TSHR: variants seen among roughly 807,000 people sequenced by gnomAD.
The protein encoded by TSHR is thyrotropin receptor.
In TSHR, 51 loss-of-function variants were observed where a neutral mutation model predicts 64.1. The ratio of observed to expected loss-of-function variants is 0.80; its 90% CI spans 0.64 to 1.01. The LOEUF is 1.01. TSHR is among the 50% of genes least tolerant of loss of function. The pLI is 0.00. For synonymous variants in TSHR, 361 were observed against 361.9 expected (o/e 1.00, Z 0.03); for missense variants, 877 against 942.8 (o/e 0.93, Z 0.91).
intron 8 of TSHR, among the ~76,000 whole-genome samples, chr14:81,127,913 G>A (rs1462334965): frequency 6.6e-6 from 1 of 152,134 alleles, no homozygotes; most frequent in Non-Finnish European, 1.5e-5. Flanking sequence ...TTTATCAGCA[G>A]TGTGAAAATG....
chr14:80,984,489 T>C (rs1257525110), intron 1 of TSHR, among the ~76,000 whole-genome samples: 1 of 152,140 alleles, frequency 6.6e-6, no homozygotes, highest in East Asian at 1.9e-4. Context: ...TACCCTCCAA[T>C]GAGAATTAGA....
intron 8 of TSHR, among the ~76,000 whole-genome samples, chr14:81,116,184 T>G (rs532834944): frequency 2.6e-4 from 39 of 150,144 alleles, no homozygotes; most frequent in South Asian, 6.6e-4. Flanking sequence ...ATAACAATAT[T>G]AACTTTAAAT....
intron 1 of TSHR, among the ~76,000 whole-genome samples, chr14:81,021,969 A>G (rs1236732644): frequency 6.6e-6 from 1 of 152,196 alleles, no homozygotes; most frequent in Non-Finnish European, 1.5e-5. Flanking sequence ...GGCTTTTAAA[A>G]TTACAGTAAT....
intron 3 of TSHR, chr14:81,087,630 T>C (rs1444850568): frequency 2.8e-6 from 1 of 353,950 alleles, no homozygotes; most frequent in East Asian, 6.7e-5. Context: ...CACCAAATCA[T>C]TGGAGGGATT....
chr14:80,959,682 G>A (rs1886914663), intron 1 of TSHR, among the ~76,000 whole-genome samples: 1 of 152,310 alleles, frequency 6.6e-6, no homozygotes, highest in East Asian at 1.9e-4. Context: ...GAAGTAAGTG[G>A]TTTGGACACC....
intron 1 of TSHR, among the ~76,000 whole-genome samples, chr14:80,978,129 ACATGCATG>A (rs1566745478): frequency 6.4e-5 from 9 of 141,314 alleles, no homozygotes; most frequent in African/African-American, 2.2e-4. Context: ...ACACACACAC[ACATGCATG>A]TGCACTTTTC....
At chr14:81,091,381 G>T (rs1888723853) in intron 5 of TSHR, among the ~76,000 whole-genome samples, 1 of 152,234 alleles carries the variant, frequency 6.6e-6, no homozygotes, top group Admixed American at 6.5e-5. Context: ...GCTGGTTGGA[G>T]TGGGCTCAAG....
At position 81,091,078 on chromosome 14, in the gene TSHR, C is replaced by T; in HGVS notation, c.402C>T (p.Phe134=). ...ELPLLKFLGI[F]NTGLKMFPDL... is the part of the protein sequence containing the mutation. ...TTTTTCATTAATTTAGTGGCATTTT[C>T]AACACTGGACTTAAAATGTTCCCTG... is the stretch of plus-strand genomic sequence containing the variant. Residue 134 remains phenylalanine (F), a synonymous_variant, in exon 5 of 10, where the codon TTC becomes TTT. Coordinates refer to ENST00000298171, the MANE Select transcript of TSHR (RefSeq NM_000369.5). The T allele has an allele frequency of 2.5e-6, 4 of 1,611,376 alleles. No individual in the cohort carries two copies. The highest frequency in any genetic ancestry group is 1.7e-5 in the Admixed American group (1 of 59,978).
At chr14:81,136,150 C>T (rs1293540422) in intron 8 of TSHR, among the ~76,000 whole-genome samples, 1 of 152,186 alleles carries the variant, frequency 6.6e-6, no homozygotes, top group Non-Finnish European at 1.5e-5. Flanking sequence ...ATTCATGGTA[C>T]GTTGAGAAGT....
intron 1 of TSHR, among the ~76,000 whole-genome samples, chr14:81,000,942 C>A (rs1409250150): frequency 6.6e-6 from 1 of 152,054 alleles, no homozygotes; most frequent in Non-Finnish European, 1.5e-5. Flanking sequence ...GAATCACCTG[C>A]AGATGCTGCC....
At chr14:81,142,190 C>G (rs1159657779) in intron 9 of TSHR, among the ~76,000 whole-genome samples, 1 of 152,168 alleles carries the variant, frequency 6.6e-6, no homozygotes, top group Non-Finnish European at 1.5e-5. Context: ...AAGCGATTCT[C>G]CTGCCTCAGC....
intron 1 of TSHR, among the ~76,000 whole-genome samples, chr14:81,016,230 C>G (rs572205388): frequency 1.3e-5 from 2 of 152,110 alleles, no homozygotes; most frequent in South Asian, 4.1e-4. Flanking sequence ...TACCAATTTG[C>G]AATCCTACCA....
intron 7 of TSHR, chr14:81,104,896 CAT>C (rs1182952865): frequency 1.0e-6 from 1 of 985,288 alleles, no homozygotes; most frequent in Non-Finnish European, 1.2e-6. Flanking sequence ...CTGTTGAACA[CAT>C]AGAGATGTAG....
chr14:81,073,829 G>C (rs1221419455), intron 3 of TSHR, among the ~76,000 whole-genome samples: 7 of 152,108 alleles, frequency 4.6e-5, no homozygotes, highest in Non-Finnish European at 1.0e-4. Flanking sequence ...GCCCAGGAAG[G>C]CTGAGGATCC....
intron 1 of TSHR, 41 bp from the exon 2 acceptor site, chr14:81,062,090 GAATTATTAGAAAAGCCC>G: frequency 7.1e-7 from 1 of 1,403,598 alleles, no homozygotes; most frequent in Middle Eastern, 1.8e-4. Flanking sequence ...TAATTAAGGT[GAATTATTAGAAAAGCCC>G]AATGATTAAA....
intron 8 of TSHR, among the ~76,000 whole-genome samples, chr14:81,138,739 C>T (rs533687070): frequency 1.3e-5 from 2 of 151,944 alleles, no homozygotes; most frequent in East Asian, 1.9e-4. Flanking sequence ...AATTCACTAG[C>T]TAATTGGATA....
At chr14:81,057,335 CCAGAGG>C (rs911252709) in intron 1 of TSHR, among the ~76,000 whole-genome samples, 2 of 152,018 alleles carry the variant, frequency 1.3e-5, no homozygotes, top group African/African-American at 4.8e-5. Flanking sequence ...CGCTTGAACC[CCAGAGG>C]CAGAGGTTGC....
intron 1 of TSHR, among the ~76,000 whole-genome samples, chr14:81,009,744 A>C (rs976627779): frequency 1.3e-5 from 2 of 152,022 alleles, no homozygotes; most frequent in Non-Finnish European, 2.9e-5. Context: ...GTATTTTGTC[A>C]TGTAAATAAA....
chr14:81,044,708 A>T (rs548286861), intron 1 of TSHR, among the ~76,000 whole-genome samples: 2 of 151,640 alleles, frequency 1.3e-5, no homozygotes, highest in Non-Finnish European at 2.9e-5. Context: ...ATACCATCTT[A>T]CACCAGTTCA....
Sources: gnomAD v4.1 joint callset for allele counts (sites outside exome capture counted in the v4.1 genomes callset) on GRCh38, gnomAD v4.1.1 for gene constraint, MANE v1.5 for transcripts, NCBI Gene and HGNC (gene_info 2026-07-23, HGNC 2026-07-21) for gene names.